PAPPA2: variants seen among roughly 807,000 people sequenced by gnomAD.
PAPPA2 encodes the protein pappalysin-2.
In PAPPA2, 86 loss-of-function variants were observed where a neutral mutation model predicts 176.4. The observed-to-expected ratio is 0.49, with a 90% CI of 0.41 to 0.58. PAPPA2 has a LOEUF of 0.58. Ranked by LOEUF, PAPPA2 falls within the 20% of genes least tolerant of loss-of-function variation. PAPPA2 has a pLI of 0.00. For synonymous variants in PAPPA2, 809 were observed against 852.2 expected, an observed-to-expected ratio of 0.95 and a Z score of 0.88; for missense variants, 2,073 against 2,256.9, an observed-to-expected ratio of 0.92 and a Z score of 1.65.
At chr1:176,613,840 C>T (rs10489479) in intron 3 of PAPPA2, among the ~76,000 whole-genome samples, 35,211 of 151,950 alleles carry the variant, frequency 0.23, 4,141 homozygotes, top group South Asian at 0.33. Flanking sequence ...GTAATGTGAC[C>T]TCCAGGAAAT....
chr1:176,498,498 C>T (rs1647759964), intron 1 of PAPPA2, among the ~76,000 whole-genome samples: 1 of 151,902 alleles, frequency 6.6e-6, no homozygotes, highest in African/African-American at 2.4e-5. Context: ...ATCTGTAATC[C>T]CAGCGCTTTG....
intron 21 of PAPPA2, among the ~76,000 whole-genome samples, chr1:176,802,908 A>G (rs1433153606): frequency 1.3e-5 from 2 of 152,204 alleles, no homozygotes; most frequent in African/African-American, 2.4e-5. Context: ...AAAAACTCTT[A>G]TCTAAATAAT....
At chr1:176,542,141 A>G (rs935441443) in intron 1 of PAPPA2, among the ~76,000 whole-genome samples, 7 of 152,130 alleles carry the variant, frequency 4.6e-5, no homozygotes, top group Non-Finnish European at 8.8e-5. Flanking sequence ...CCTCTTATAG[A>G]TAGAGCATTC....
chr1:176,492,034 G>C (rs775968950), intron 1 of PAPPA2, among the ~76,000 whole-genome samples: 3 of 152,192 alleles, frequency 2.0e-5, no homozygotes, highest in Non-Finnish European at 2.9e-5. Context: ...TGAACATCAA[G>C]CATGGAATCC....
intron 4 of PAPPA2, among the ~76,000 whole-genome samples, chr1:176,683,640 T>A (rs552341140): frequency 6.6e-6 from 1 of 152,042 alleles, no homozygotes; most frequent in Non-Finnish European, 1.5e-5. Flanking sequence ...GGGAAAATGA[T>A]CCATTTTTGT....
intron 3 of PAPPA2, among the ~76,000 whole-genome samples, chr1:176,600,675 C>CAAAAAA (rs749068016): frequency 3.7e-5 from 3 of 80,870 alleles, no homozygotes; most frequent in Admixed American, 1.4e-4. Context: ...GACTCCGTCT[C>CAAAAAA]AAAAAAAAAA....
chr1:176,703,505 A>G (rs1301551555), intron 9 of PAPPA2, among the ~76,000 whole-genome samples: 1 of 152,170 alleles, frequency 6.6e-6, no homozygotes, highest in Non-Finnish European at 1.5e-5. Flanking sequence ...AGCTGCTGGG[A>G]TGAGGAGGCT....
chr1:176,830,988 T>G (rs1411648441), intron 21 of PAPPA2, among the ~76,000 whole-genome samples: 1 of 152,210 alleles, frequency 6.6e-6, no homozygotes, highest in African/African-American at 2.4e-5. Flanking sequence ...GAATAAAATC[T>G]TGACAAATGA....
intron 10 of PAPPA2, 27 bp downstream of exon 10, chr1:176,706,477 T>G: frequency 6.3e-7 from 1 of 1,589,794 alleles, no homozygotes; most frequent in South Asian, 1.1e-5. Context: ...CAGTCTAAGA[T>G]TGTGTCCTAC....
chr1:176,787,890 G>A (rs997220712), intron 17 of PAPPA2, among the ~76,000 whole-genome samples: 16 of 151,810 alleles, frequency 1.1e-4, no homozygotes, highest in Non-Finnish European at 1.9e-4. Flanking sequence ...GAAAAACCCC[G>A]TCTTTACTAA....
chr1:176,727,479 T>A (rs1360376301), intron 12 of PAPPA2, among the ~76,000 whole-genome samples: 1 of 152,084 alleles, frequency 6.6e-6, no homozygotes, highest in Non-Finnish European at 1.5e-5. Flanking sequence ...TATTTCATAA[T>A]GATAAATAGG....
At chr1:176,681,030 T>C (rs537042289) in intron 4 of PAPPA2, among the ~76,000 whole-genome samples, 5 of 151,938 alleles carry the variant, frequency 3.3e-5, no homozygotes, top group Admixed American at 3.3e-4. Flanking sequence ...TGTTTTTGGA[T>C]ATGTTGAGCT....
chr1:176,518,493 C>G (rs1347214733), intron 1 of PAPPA2, among the ~76,000 whole-genome samples: 1 of 151,460 alleles, frequency 6.6e-6, no homozygotes, highest in East Asian at 1.9e-4. Flanking sequence ...CAGAAGACAC[C>G]CTGAAACTTT....
intron 17 of PAPPA2, among the ~76,000 whole-genome samples, chr1:176,778,224 C>T (rs1664550055): frequency 6.6e-6 from 1 of 152,042 alleles, no homozygotes; most frequent in African/African-American, 2.4e-5. Flanking sequence ...CCAATTAGTA[C>T]ACTCTCTGTC....
chr1:176,827,734 T>G (rs1463363695), intron 21 of PAPPA2, among the ~76,000 whole-genome samples: 1 of 152,166 alleles, frequency 6.6e-6, no homozygotes, highest in Non-Finnish European at 1.5e-5. Context: ...GAACCTTCTG[T>G]GGTGCCTTGT....
chr1:176,604,409 A>G (rs1654500846), intron 3 of PAPPA2, among the ~76,000 whole-genome samples: 1 of 152,252 alleles, frequency 6.6e-6, no homozygotes, highest in Non-Finnish European at 1.5e-5. Context: ...CAGACTAAGT[A>G]TTCAATAAAT....
At position 176,594,844 on chromosome 1, in the gene PAPPA2, G is replaced by A. The variant is rs202065297; in HGVS notation, c.1240G>A (p.Glu414Lys). Reference protein sequence around the residue: ...RSLLLGGDSSEDGHYFRGHLG... With the variant: ...RSLLLGGDSSKDGHYFRGHLG... ...TTTGCTCCTGGGGGGAGACAGCTCT[G>A]AGGATGGGCACTATTTCCGTGGACA... The change falls in exon 3 of 23, where the codon GAG (glutamate) becomes AAG (lysine). Residue 414 changes from glutamate to lysine, a missense_variant. Around this residue, in one of 4 missense-constraint regions of PAPPA2, gnomAD observed 1,196 missense variants for 1,330.4 expected, o/e 0.90. Transcript: ENST00000367662. 46 of 1,614,108 alleles carry A rather than the reference G, an allele frequency of 2.8e-5. No homozygotes were observed. The highest frequency in any genetic ancestry group is 3.7e-5 in the Non-Finnish European group (44 of 1,180,042).
In PAPPA2 at chr1:176,498,478, G is replaced by A. The variant is rs905238227; in HGVS notation, c.-917+35060G>A. Among the ~76,000 whole-genome samples, 52 of 152,122 alleles carry A rather than the reference G, an allele frequency of 3.4e-4. 1 individual carries two copies. The highest frequency in any genetic ancestry group is 5.6e-4 in the Non-Finnish European group (38 of 68,032). ...TAGAAATCTGAAGCTGGCCGGGCAC[G>A]GTGGCTCACATCTGTAATCCCAGCG... is the stretch of plus-strand genomic sequence containing the variant. On this transcript the variant is annotated intron_variant, in intron 1 of 22. Transcript: ENST00000367662.
intron 14 of PAPPA2, among the ~76,000 whole-genome samples, chr1:176,741,077 G>T (rs1393202154): frequency 1.3e-5 from 2 of 152,066 alleles, no homozygotes; most frequent in Non-Finnish European, 2.9e-5. Flanking sequence ...GGTGTACTAT[G>T]TTAGTTATCT....
Sources: allele counts gnomAD v4.1 joint callset (sites outside exome capture counted in the v4.1 genomes callset), GRCh38; gene constraint gnomAD v4.1.1; regional missense constraint gnomAD v4.1.1; transcripts MANE v1.5; gene names NCBI Gene and HGNC (gene_info 2026-07-23, HGNC 2026-07-21).